Variants in FLYWCH1 observed in about 807,000 individuals in gnomAD.
The protein encoded by FLYWCH1 is FLYWCH-type zinc finger-containing protein 1.
FLYWCH1 carries 75 observed loss-of-function variants against 66.4 expected under a neutral mutation model. The ratio of observed to expected loss-of-function variants is 1.13; its 90% CI spans 0.94 to 1.37. The LOEUF (loss-of-function observed/expected upper bound fraction) is 1.37, where lower values mean the gene tolerates loss of function less well. FLYWCH1 is among the 40% of genes most tolerant of loss of function. FLYWCH1 has a pLI of 0.00. For missense variants in FLYWCH1, 1,334 were observed against 1,001.8 expected, an observed-to-expected ratio of 1.33 and a Z score of -4.48; for synonymous variants, 595 against 429.9, an observed-to-expected ratio of 1.38 and a Z score of -4.75.
chr16:2,921,985 C>T (rs1452174560), intron 2 of FLYWCH1, among the ~76,000 whole-genome samples: 1 of 152,178 alleles, frequency 6.6e-6, no homozygotes, highest in Non-Finnish European at 1.5e-5. Flanking sequence ...ATCACTTGAA[C>T]CCGGGAGGCA....
chr16:2,933,619 T>C (rs749468973), intron 5 of FLYWCH1, 37 bp downstream of exon 5: 1 of 1,565,598 alleles, frequency 6.4e-7, no homozygotes, highest in Non-Finnish European at 8.7e-7. Flanking sequence ...CGGCCCTGCC[T>C]TGACTCTTGC....
intron 2 of FLYWCH1, among the ~76,000 whole-genome samples, chr16:2,923,524 G>C (rs959341753): frequency 6.6e-6 from 1 of 152,148 alleles, no homozygotes; most frequent in Non-Finnish European, 1.5e-5. Flanking sequence ...GGGATGGCAG[G>C]CGTGAGCCAC....
chr16:2,942,098 A>C (rs1365691532), intron 9 of FLYWCH1, among the ~76,000 whole-genome samples: 1 of 152,102 alleles, frequency 6.6e-6, no homozygotes, highest in Non-Finnish European at 1.5e-5. Context: ...TAAAATTGAC[A>C]AATATTTAGC....
At chr16:2,942,356 C>T (rs1238205062) in intron 9 of FLYWCH1, among the ~76,000 whole-genome samples, 2 of 151,926 alleles carry the variant, frequency 1.3e-5, no homozygotes, top group Admixed American at 6.6e-5. Flanking sequence ...CCATGTTGTC[C>T]AGGCTGGTCT....
At chr16:2,915,494 C>T (rs546361501) in intron 2 of FLYWCH1, 1 of 152,292 alleles carries the variant, frequency 6.6e-6, no homozygotes, top group East Asian at 1.9e-4. Context: ...AAATCTTTAA[C>T]ATGTGTTTGC....
intron 7 of FLYWCH1, among the ~76,000 whole-genome samples, 154 bp downstream of exon 7, chr16:2,937,538 C>T (rs1041041802): frequency 5.3e-5 from 8 of 152,286 alleles, no homozygotes; most frequent in Admixed American, 3.3e-4. Context: ...GCTCCATCTG[C>T]GGGCTCCGAG....
chr16:2,927,367 T>G (rs1350648418), intron 2 of FLYWCH1, among the ~76,000 whole-genome samples: 1 of 152,192 alleles, frequency 6.6e-6, no homozygotes, highest in Non-Finnish European at 1.5e-5. Context: ...GCACCTGCGG[T>G]GGCTAATGCT....
chr16:2,920,414 C>G (rs540010860), intron 2 of FLYWCH1, among the ~76,000 whole-genome samples: 1 of 151,872 alleles, frequency 6.6e-6, no homozygotes, highest in Admixed American at 6.6e-5. Context: ...ACTCAGGAGG[C>G]TGAGGCCTGA....
At chr16:2,918,147 CT>C (rs35609623) in intron 2 of FLYWCH1, among the ~76,000 whole-genome samples, 38,663 of 102,696 alleles carry the variant, frequency 0.38, 6,179 homozygotes, top group South Asian at 0.45. Context: ...CCTTGGATTC[CT>C]TTTTTTTTTT....
intron 2 of FLYWCH1, among the ~76,000 whole-genome samples, chr16:2,924,840 G>A (rs999605429): frequency 5.1e-4 from 77 of 152,352 alleles, no homozygotes; most frequent in African/African-American, 1.6e-3. Context: ...GCCTTTTCTT[G>A]TATTGGAACT....
rs747898454 is a variant in FLYWCH1 at position 2,948,889 on chromosome 16, T to G, written c.*162T>G. ...CCTCAGGAGGTCTCCCAGGAGGAATTCTTGGATGGTGTCCTCATGTCGGCG... is the reference window on the plus strand; with the variant it reads ...CCTCAGGAGGTCTCCCAGGAGGAATGCTTGGATGGTGTCCTCATGTCGGCG... On this transcript the variant is annotated 3_prime_UTR_variant, in exon 10 of 10. Transcript: ENST00000253928. 1 of 626,406 alleles carries G rather than the reference T, an allele frequency of 1.6e-6. No individual in the cohort carries two copies. Among genetic ancestry groups the G allele is most frequent in the South Asian group, 1.9e-5 (1 of 53,550 alleles). The allele number at this position is 626,406 out of a possible 1,614,324, so 38.8% of individuals were successfully genotyped here.
At chr16:2,915,989 C>G (rs1306632023) in intron 2 of FLYWCH1, among the ~76,000 whole-genome samples, 1 of 152,098 alleles carries the variant, frequency 6.6e-6, no homozygotes, top group Non-Finnish European at 1.5e-5. Context: ...TACTGATTCA[C>G]CAGATAAGCC....
intron 2 of FLYWCH1, among the ~76,000 whole-genome samples, chr16:2,920,190 GC>G (rs1390170352): frequency 1.3e-5 from 2 of 151,992 alleles, no homozygotes; most frequent in African/African-American, 4.8e-5. Flanking sequence ...TATAATGCAT[GC>G]CACCCCTTCT....
At chr16:2,921,434 A>G (rs564931757) in intron 2 of FLYWCH1, among the ~76,000 whole-genome samples, 8 of 152,134 alleles carry the variant, frequency 5.3e-5, no homozygotes, top group African/African-American at 1.7e-4. Flanking sequence ...AAGAGCTTAT[A>G]GAGGCATCCA....
chr16:2,926,838 C>G (rs371972012), intron 2 of FLYWCH1, among the ~76,000 whole-genome samples: 1 of 152,186 alleles, frequency 6.6e-6, no homozygotes, highest in Admixed American at 6.5e-5. Context: ...CCATCAGAGT[C>G]TAAACCACAA....
rs371769710 is a variant in FLYWCH1 at position 2,948,751 on chromosome 16, G to C, written c.*24G>C. On this transcript the variant is annotated 3_prime_UTR_variant, in exon 10 of 10. Transcript: ENST00000253928. Reference sequence around the variant, plus strand: ...GAGGCGATGTGGGCAGAGGAGCTCCGAGCCGCCCACCCAAGGTGGCTTCAC... The same window carrying C: ...GAGGCGATGTGGGCAGAGGAGCTCCCAGCCGCCCACCCAAGGTGGCTTCAC... 2 of 1,613,348 alleles carry C rather than the reference G, an allele frequency of 1.2e-6. No homozygotes were observed. The highest frequency in any genetic ancestry group is 2.7e-5 in the African/African-American group (2 of 75,034).
rs758011834 is a variant in FLYWCH1, at chr16:2,933,408, G to T, written c.1075G>T (p.Gly359Trp). Reference sequence around the variant, plus strand: ...GCTGCAGGCTGGGCAGGACGGCCCTGGGAGCCAAGTGGACACGCTGCTCCG... The same window carrying T: ...GCTGCAGGCTGGGCAGGACGGCCCTTGGAGCCAAGTGGACACGCTGCTCCG... The part of the protein sequence containing the change: ...ETLQAGQDGP[G>W]SQVDTLLRGV... Residue 359 changes from glycine to tryptophan, a missense_variant, in exon 5 of 10, where the codon GGG (glycine) becomes TGG (tryptophan). Physicochemically the swap from Gly to Trp is radical, Grantham distance 184 (BLOSUM62 -2). Transcript: ENST00000253928. 2 of 1,601,706 alleles carry T rather than the reference G, an allele frequency of 1.2e-6. No individual in the cohort carries two copies. Among genetic ancestry groups the T allele is most frequent in the East Asian group, 2.3e-5 (1 of 44,170 alleles).
At chr16:2,933,606 CA>C in intron 5 of FLYWCH1, 24 bp downstream of exon 5, 3 of 1,570,340 alleles carry the variant, frequency 1.9e-6, no homozygotes, top group Non-Finnish European at 2.6e-6. Context: ...CTTTGGGGCT[CA>C]CCGGCCCTGC....
intron 9 of FLYWCH1, chr16:2,943,207 C>T (rs1413946273): frequency 6.6e-6 from 1 of 152,090 alleles, no homozygotes; most frequent in African/African-American, 2.4e-5. Context: ...CCCTGGACTC[C>T]TGGGCTCAGG....
Sources: gnomAD v4.1 joint callset for allele counts (sites outside exome capture counted in the v4.1 genomes callset) on GRCh38, gnomAD v4.1.1 for gene constraint, MANE v1.5 for transcripts, NCBI Gene and HGNC (gene_info 2026-07-23, HGNC 2026-07-21) for gene names.